The following CD44 variants were observed in gnomAD, a reference collection of about 807,000 sequenced individuals.
The protein encoded by CD44 is CD44 molecule (IN blood group), also known as CD44 antigen.
CD44 carries 49 observed loss-of-function variants against 88.8 expected under a neutral mutation model. That is an observed-to-expected ratio of 0.55 (90% confidence interval 0.44 to 0.70). The LOEUF (loss-of-function observed/expected upper bound fraction) is 0.70, where lower values mean the gene tolerates loss of function less well. CD44 is among the 30% of genes least tolerant of loss of function. The pLI is 0.00. For synonymous variants in CD44, 325 were observed against 312.3 expected (o/e 1.04, Z -0.43); for missense variants, 883 against 913.8 (o/e 0.97, Z 0.43).
At chr11:35,181,385 A>C (rs1944972674) in intron 3 of CD44, among the ~76,000 whole-genome samples, 1 of 152,108 alleles carries the variant, frequency 6.6e-6, no homozygotes, top group Non-Finnish European at 1.5e-5. Flanking sequence ...AGCAAAATTA[A>C]AGAATTCTAT....
intron 17 of CD44, chr11:35,222,341 A>C: frequency 1.9e-6 from 2 of 1,056,984 alleles, no homozygotes; most frequent in Non-Finnish European, 2.6e-6. Flanking sequence ...TGGTTTTTGT[A>C]ATGATATCAT....
intron 4 of CD44, 22 bp downstream of exon 4, chr11:35,186,922 A>C: frequency 6.8e-7 from 1 of 1,477,126 alleles, no homozygotes; most frequent in Non-Finnish European, 9.5e-7. Flanking sequence ...TTCTAATCTT[A>C]ATTAAATTTT....
Position 35,181,478 on chromosome 11 carries a change from C to T in CD44, c.367+1071C>T, listed in dbSNP as rs145635076. ...CGATGCCAACTATCAAAAGTCTTAC[C>T]TCTTAAACTGGGCCTTCTGTTCCCA... On this transcript the variant is annotated intron_variant, in intron 3 of 17. Transcript: ENST00000428726. 3.0e-3 allele frequency among the ~76,000 whole-genome samples: 452 copies of T among 151,564 alleles called. 1 individual carries two copies. Among genetic ancestry groups the T allele is most frequent in the Middle Eastern group, 6.9e-3 (2 of 290 alleles).
intron 1 of CD44, among the ~76,000 whole-genome samples, chr11:35,150,895 T>C (rs1330111546): frequency 1.3e-5 from 2 of 152,232 alleles, no homozygotes; most frequent in Non-Finnish European, 2.9e-5. Context: ...TAAAATTTCC[T>C]TAAAATGTAT....
chr11:35,202,749 C>A (rs552322706), intron 9 of CD44, among the ~76,000 whole-genome samples: 41 of 152,230 alleles, frequency 2.7e-4, no homozygotes, highest in Non-Finnish European at 2.8e-4. Flanking sequence ...CTGAATATAT[C>A]CAGCAGATCT....
At chr11:35,156,157 GA>G (rs1384169656) in intron 1 of CD44, among the ~76,000 whole-genome samples, 1 of 152,132 alleles carries the variant, frequency 6.6e-6, no homozygotes, top group Non-Finnish European at 1.5e-5. Context: ...TCATAGGCAG[GA>G]AAAAGTCCTT....
At chr11:35,223,651 C>T (rs1949482428) in intron 17 of CD44, among the ~76,000 whole-genome samples, 1 of 152,162 alleles carries the variant, frequency 6.6e-6, no homozygotes, top group African/African-American at 2.4e-5. Flanking sequence ...GCGAGTATCT[C>T]ACCAGGAAAG....
At chr11:35,216,755 C>T (rs996108714) in intron 15 of CD44, among the ~76,000 whole-genome samples, 2 of 152,034 alleles carry the variant, frequency 1.3e-5, no homozygotes, top group African/African-American at 4.8e-5. Flanking sequence ...ACCAAGAGAC[C>T]CCAGCCACTC....
chr11:35,212,325 A>C (rs1049025658), intron 14 of CD44, among the ~76,000 whole-genome samples: 1 of 152,162 alleles, frequency 6.6e-6, no homozygotes. Flanking sequence ...CTTTAGATAC[A>C]TAATTTTGGA....
chr11:35,150,243 G>C (rs760987863), intron 1 of CD44, among the ~76,000 whole-genome samples: 15 of 152,212 alleles, frequency 9.9e-5, no homozygotes, highest in South Asian at 2.1e-4. Context: ...GTACTTACAG[G>C]GTGAGTGCTA....
In CD44 at chr11:35,184,210, G is replaced by A. The variant is rs538730110; in HGVS notation, c.368-2622G>A. Among the ~76,000 whole-genome samples the A allele has an allele frequency of 8.1e-4, 123 of 152,286 alleles. 1 individual carries two copies. In the South Asian group the frequency reaches 0.012, roughly 15 times the overall value. On this transcript the variant is annotated intron_variant, in intron 3 of 17. Transcript: ENST00000428726. ...TTGCACATTTGGGTCAATCCACTAA[G>A]CATATTTGCCAGATTTGATGTTCTT...
At chr11:35,144,983 G>A (rs892955182) in intron 1 of CD44, among the ~76,000 whole-genome samples, 3 of 152,150 alleles carry the variant, frequency 2.0e-5, no homozygotes, top group Admixed American at 6.5e-5. Flanking sequence ...ACTGGGTGAC[G>A]TACCAAGATA....
At chr11:35,228,991 C>A in intron 17 of CD44, 138 bp from the exon 18 acceptor site, 3 of 702,170 alleles carry the variant, frequency 4.3e-6, no homozygotes, top group Non-Finnish European at 7.2e-6. Flanking sequence ...GTAGAGAAAA[C>A]CCCTAGCACA....
intron 6 of CD44, 168 bp downstream of exon 6, chr11:35,197,042 G>C (rs1946827594): frequency 1.6e-6 from 1 of 611,066 alleles, no homozygotes; most frequent in African/African-American, 1.9e-5. Flanking sequence ...TGCTTGTATG[G>C]CACCAATAAG....
chr11:35,215,823 G>A (rs964059352), intron 15 of CD44, among the ~76,000 whole-genome samples: 1 of 151,644 alleles, frequency 6.6e-6, no homozygotes, highest in Non-Finnish European at 1.5e-5. Flanking sequence ...AGTGAGCCAA[G>A]ATTGCACCAC....
intron 1 of CD44, among the ~76,000 whole-genome samples, chr11:35,146,042 C>T (rs764930799): frequency 5.7e-5 from 8 of 141,152 alleles, no homozygotes; most frequent in Non-Finnish European, 1.2e-4. Context: ...GAGACAAACA[C>T]AGAATGAGGG....
At chr11:35,167,733 G>T (rs1036244221) in intron 1 of CD44, among the ~76,000 whole-genome samples, 14 of 152,194 alleles carry the variant, frequency 9.2e-5, no homozygotes, top group Non-Finnish European at 1.6e-4. Flanking sequence ...GCCTTAGCTT[G>T]GTCAGTCTAG....
At chr11:35,176,977 T>A in intron 2 of CD44, 1 of 457,952 alleles carries the variant, frequency 2.2e-6, no homozygotes, top group Non-Finnish European at 3.9e-6. Context: ...TTAGGGGTCC[T>A]CTCGGCTGGA....
chr11:35,206,152 A>T lies in CD44; in HGVS notation c.1323A>T (p.Thr441=). 1 of 1,612,150 alleles carries T rather than the reference A, an allele frequency of 6.2e-7. No homozygotes were observed. Among genetic ancestry groups the T allele is most frequent in the Non-Finnish European group, 8.5e-7 (1 of 1,179,008 alleles). Residue 441 remains threonine (T), a synonymous_variant, in exon 11 of 18, where the codon ACA becomes ACT. Coordinates refer to ENST00000428726, the MANE Select transcript of CD44 (RefSeq NM_000610.4). The part of the protein sequence containing the change: ...AHTSHPMQGR[T]TPSPEDSSWT... Reference sequence around the variant, plus strand: ...CCAGCCATCCAATGCAAGGAAGGACAACACCAAGCCCAGAGGACAGTTCCT... The same window carrying T: ...CCAGCCATCCAATGCAAGGAAGGACTACACCAAGCCCAGAGGACAGTTCCT...
Sources: allele counts gnomAD v4.1 joint callset (sites outside exome capture counted in the v4.1 genomes callset), GRCh38; gene constraint gnomAD v4.1.1; transcripts MANE v1.5; gene names NCBI Gene and HGNC (gene_info 2026-07-23, HGNC 2026-07-21).